The following FLT1 variants were observed in gnomAD, a reference collection of about 807,000 sequenced individuals.
FLT1 encodes vascular endothelial growth factor receptor 1.
In FLT1, 49 loss-of-function variants were observed where a neutral mutation model predicts 156.3. That is an observed-to-expected ratio of 0.31 (90% confidence interval 0.25 to 0.40). The LOEUF (loss-of-function observed/expected upper bound fraction) is 0.40, where lower values mean the gene tolerates loss of function less well. Among genes scored for constraint, FLT1 ranks in the 10% least tolerant of loss-of-function variants. FLT1 has a pLI of 1.00. For synonymous variants in FLT1, 594 were observed against 583.8 expected (o/e 1.02, Z -0.25); for missense variants, 1,322 against 1,637.2 (o/e 0.81, Z 3.32).
intron 1 of FLT1, among the ~76,000 whole-genome samples, chr13:28,488,659 C>G (rs544694042): frequency 1.3e-5 from 2 of 152,196 alleles, no homozygotes; most frequent in African/African-American, 4.8e-5. Flanking sequence ...GAGGCACCAG[C>G]TCGAGCCCAA....
At chr13:28,350,723 G>A (rs1872712354) in intron 15 of FLT1, among the ~76,000 whole-genome samples, 1 of 152,122 alleles carries the variant, frequency 6.6e-6, no homozygotes, top group African/African-American at 2.4e-5. Flanking sequence ...TTGACTTAGG[G>A]ACCGAACACA....
chr13:28,334,345 A>G (rs1872036395), intron 17 of FLT1, among the ~76,000 whole-genome samples: 1 of 152,188 alleles, frequency 6.6e-6, no homozygotes, highest in African/African-American at 2.4e-5. Context: ...TCAAAGATAG[A>G]GTAAGTCCCT....
intron 10 of FLT1, among the ~76,000 whole-genome samples, chr13:28,425,751 T>C (rs1877301950): frequency 6.6e-6 from 1 of 152,186 alleles, no homozygotes; most frequent in Non-Finnish European, 1.5e-5. Flanking sequence ...TTTATTTGCA[T>C]GTTAGGTTGG....
chr13:28,389,599 C>A (rs118138065), intron 13 of FLT1, 197 bp downstream of exon 13: 3 of 1,453,914 alleles, frequency 2.1e-6, no homozygotes, highest in Non-Finnish European at 2.7e-6. Flanking sequence ...CTATCATCTC[C>A]GAACTCATTT....
At chr13:28,399,856 G>A (rs1371801449) in intron 11 of FLT1, among the ~76,000 whole-genome samples, 1 of 152,132 alleles carries the variant, frequency 6.6e-6, no homozygotes, top group African/African-American at 2.4e-5. Context: ...TTGTTTCTGC[G>A]AACCTTTATG....
At chr13:28,368,053 C>G in intron 14 of FLT1, 1 of 573,170 alleles carries the variant, frequency 1.7e-6, no homozygotes, top group Non-Finnish European at 2.2e-6. Context: ...TTTTCATTTT[C>G]TCTAGAATAT....
Position 28,302,964 on chromosome 13 carries a change from T to C in FLT1, c.*203A>G, listed in dbSNP as rs938613137. The C allele has an allele frequency of 5.4e-5, 32 of 593,048 alleles. No individual in the cohort carries two copies. Among genetic ancestry groups the C allele is most frequent in the African/African-American group, 5.2e-4 (28 of 53,742 alleles). 36.7% of individuals were successfully genotyped at this position (593,048 alleles called of 1,614,324 possible). A position where few individuals can be genotyped will look rare whatever the true frequency, so the allele number is the denominator to read the frequency against. On this transcript the variant is annotated 3_prime_UTR_variant, in exon 30 of 30. Transcript: ENST00000282397. ...ACATGAGGATTTAGCAGTAGTGTTC[T>C]TCACTTGTCACTATTTCTCTATCTG...
intron 2 of FLT1, 128 bp from the exon 3 acceptor site, chr13:28,467,257 G>A (rs985765889): frequency 4.0e-5 from 31 of 781,584 alleles, no homozygotes; most frequent in Non-Finnish European, 5.8e-5. Flanking sequence ...CCTCTTTACG[G>A]GAAAGCAACA....
intron 14 of FLT1, among the ~76,000 whole-genome samples, chr13:28,360,948 C>G (rs1001898137): frequency 7.0e-4 from 107 of 152,180 alleles, no homozygotes; most frequent in African/African-American, 2.5e-3. Context: ...ACACTGTACC[C>G]CATGCATATA....
chr13:28,387,720 C>T lies in FLT1; in HGVS notation c.1969+2076G>A, dbSNP rs182017768. On this transcript the variant is annotated intron_variant, in intron 13 of 29. Coordinates refer to ENST00000282397, the MANE Select transcript of FLT1 (RefSeq NM_002019.4). The stretch of plus-strand genomic sequence containing the variant: ...TTTTTCTCCTTTTTTTTTTCTCCCC[C>T]CTCCGTTATCTTCACCTCCCTTCAT... 88 of 1,055,480 alleles carry T rather than the reference C, an allele frequency of 8.3e-5. 3 individuals are homozygous for T. The South Asian group carries it at 3.5e-3, about 42-fold the overall frequency. 65.4% of individuals were successfully genotyped at this position (1,055,480 alleles called of 1,614,324 possible).
intron 29 of FLT1, among the ~76,000 whole-genome samples, chr13:28,303,862 C>A (rs377574589): frequency 5.3e-5 from 8 of 152,156 alleles, no homozygotes; most frequent in African/African-American, 1.7e-4. Flanking sequence ...TAAAGCTCCA[C>A]ACACACAAGT....
rs1871708110 is a variant in FLT1, at chr13:28,326,918, T to C, written c.2796+544A>G. On this transcript the variant is annotated intron_variant, in intron 20 of 29. Transcript: ENST00000282397. ...TTTATTTAATAAGGCTGGTTCAGAG[T>C]ATATGTAGGGATGACATGGGTAGTG... Among the ~76,000 whole-genome samples the C allele has an allele frequency of 3.9e-5, 6 of 152,098 alleles. No individual in the cohort carries two copies. The South Asian group carries it at 1.2e-3, about 32-fold the overall frequency.
chr13:28,388,070 C>G (rs1874475174), intron 13 of FLT1: 4 of 1,057,522 alleles, frequency 3.8e-6, no homozygotes, highest in Non-Finnish European at 4.6e-6. Flanking sequence ...CCCCCATGTT[C>G]TATGGTATTA....
At position 28,405,867 on chromosome 13, in the gene FLT1, C is replaced by T. The variant is rs772339819; in HGVS notation, c.1464G>A (p.Glu488=). ...ARCDFCSNNE[E]SFILDADSNM... Reference sequence around the variant, plus strand: ...TGCTGTCAGCATCCAGGATAAAGGACTCTTCATTATTGGAACAAAAGTCAC... The same window carrying T: ...TGCTGTCAGCATCCAGGATAAAGGATTCTTCATTATTGGAACAAAAGTCAC... The change falls in exon 11 of 30, where the codon GAG becomes GAA. Residue 488 remains glutamate (E), a synonymous_variant. Coordinates refer to ENST00000282397, the MANE Select transcript of FLT1 (RefSeq NM_002019.4). The T allele has an allele frequency of 2.2e-5, 35 of 1,606,426 alleles. No individual in the cohort carries two copies. In the Admixed American group the frequency reaches 3.3e-4, roughly 15 times the overall value.
intron 13 of FLT1, chr13:28,386,971 C>T (rs1337490179): frequency 5.8e-6 from 6 of 1,042,926 alleles, no homozygotes; most frequent in African/African-American, 1.7e-5. Context: ...AGTCTGAATA[C>T]AGAGCCCACA....
intron 15 of FLT1, among the ~76,000 whole-genome samples, chr13:28,355,552 C>G (rs1404348704): frequency 6.6e-6 from 1 of 152,216 alleles, no homozygotes; most frequent in Non-Finnish European, 1.5e-5. Flanking sequence ...GAATGAGTAT[C>G]TGCCTCAGCT....
At position 28,372,566 on chromosome 13, in the gene FLT1, G is replaced by GTATACATATATATATATATATATATATA. The variant is rs1555232433; in HGVS notation, c.2116+12318_2116+12319insTATATATATATATATATATATATGTATA. Among the ~76,000 whole-genome samples the GTATACATATATATATATATATATATATA allele has an allele frequency of 3.3e-5, 3 of 91,478 alleles. No homozygotes were observed. In the Admixed American group the frequency reaches 4.0e-4, roughly 12 times the overall value. 60.0% of individuals were successfully genotyped at this position (91,478 alleles called of 152,430 possible). A position where few individuals can be genotyped will look rare whatever the true frequency, so the allele number is the denominator to read the frequency against. On this transcript the variant is annotated intron_variant, in intron 14 of 29. Transcript: ENST00000282397. ...CATATATTCCTCGTTTAAATAAAAT[G>GTATACATATATATATATATATATATATA]TATATATATATATATATATATATAT...
chr13:28,326,819 C>A (rs1023758612), intron 20 of FLT1, among the ~76,000 whole-genome samples: 2 of 152,246 alleles, frequency 1.3e-5, no homozygotes, highest in Non-Finnish European at 2.9e-5. Context: ...GCCACCGTGC[C>A]TGGCCCAATA....
At chr13:28,325,009 A>G (rs1871617161) in intron 20 of FLT1, among the ~76,000 whole-genome samples, 1 of 152,240 alleles carries the variant, frequency 6.6e-6, no homozygotes, top group South Asian at 2.1e-4. Flanking sequence ...TGGAAAATGA[A>G]GTATTCCATT....
Sources: gnomAD v4.1 joint callset for allele counts (sites outside exome capture counted in the v4.1 genomes callset) on GRCh38, gnomAD v4.1.1 for gene constraint, MANE v1.5 for transcripts, NCBI Gene and HGNC (gene_info 2026-07-23, HGNC 2026-07-21) for gene names.